Variants in RPS6KA1 observed in about 807,000 individuals in gnomAD.
The protein encoded by RPS6KA1 is ribosomal protein S6 kinase A1.
RPS6KA1 carries 48 observed loss-of-function variants against 91.3 expected under a neutral mutation model. That is an observed-to-expected ratio of 0.53 (90% CI 0.42 to 0.67). The LOEUF (loss-of-function observed/expected upper bound fraction) is 0.67, where lower values mean the gene tolerates loss of function less well. Ranked by LOEUF, RPS6KA1 falls within the 30% of genes least tolerant of loss-of-function variation. The pLI is 0.00. For missense variants in RPS6KA1, 719 were observed against 960.5 expected (o/e 0.75, Z 3.32); for synonymous variants, 359 against 384.7 (o/e 0.93, Z 0.78).
chr1:26,545,813 C>T, intron 2 of RPS6KA1: 1 of 1,432,468 alleles, frequency 7.0e-7, no homozygotes, highest in Non-Finnish European at 9.1e-7. Flanking sequence ...CCGCCCTTAC[C>T]CTGCACATCC....
In RPS6KA1 at chr1:26,566,190, G is replaced by A. The variant is rs568747029; in HGVS notation, c.1590+4527G>A. On this transcript the variant is annotated intron_variant, in intron 17 of 21. Coordinates refer to ENST00000374168, the MANE Select transcript of RPS6KA1 (RefSeq NM_002953.4). ...TAATTTACACTCCCAACAGAAGTGTGTGAGAGTTCTGGTACTTGCCAATGT... is the reference window on the plus strand; with the variant it reads ...TAATTTACACTCCCAACAGAAGTGTATGAGAGTTCTGGTACTTGCCAATGT... 1.3e-4 allele frequency among the ~76,000 whole-genome samples: 20 copies of A among 151,732 alleles called. No individual in the cohort carries two copies. In the South Asian group the frequency reaches 3.5e-3, roughly 27 times the overall value.
rs146592147 is a variant in RPS6KA1, at chr1:26,539,018, C to T, written c.108+2049C>T. Among the ~76,000 whole-genome samples, 426 of 152,322 alleles carry T rather than the reference C, an allele frequency of 2.8e-3. 1 individual carries two copies. The highest frequency in any genetic ancestry group is 0.01 in the African/African-American group (417 of 41,568). ...CCTAAAATGAAGTCAATATCCCCCA[C>T]CTTCGAGAAGCTTCCAATCTTTGGG... On this transcript the variant is annotated intron_variant, in intron 2 of 21. Coordinates refer to ENST00000374168, the MANE Select transcript of RPS6KA1 (RefSeq NM_002953.4).
chr1:26,544,691 G>A (rs899969370), intron 2 of RPS6KA1, among the ~76,000 whole-genome samples: 1 of 151,854 alleles, frequency 6.6e-6, no homozygotes, highest in Non-Finnish European at 1.5e-5. Flanking sequence ...AGCCAGGATG[G>A]TCTCGATCTC....
chr1:26,545,847 G>C, intron 2 of RPS6KA1: 1 of 1,501,052 alleles, frequency 6.7e-7, no homozygotes, highest in East Asian at 2.6e-5. Context: ...CCACCACTGC[G>C]GCAGCCCCGG....
At chr1:26,548,851 T>G (rs1461594390) in intron 4 of RPS6KA1, among the ~76,000 whole-genome samples, 1 of 150,030 alleles carries the variant, frequency 6.7e-6, no homozygotes, top group Non-Finnish European at 1.5e-5. Flanking sequence ...AATAGTTAAC[T>G]CCGGTGTGGT....
chr1:26,531,932 G>A (rs1001324321), intron 1 of RPS6KA1, among the ~76,000 whole-genome samples: 1 of 152,156 alleles, frequency 6.6e-6, no homozygotes. Context: ...TGTTCTCACT[G>A]GAGAACAGGG....
At position 26,546,912 on chromosome 1, in the gene RPS6KA1, G is replaced by T. The variant is rs1023681612; in HGVS notation, c.154G>T (p.Ala52Ser). 6 of 1,614,022 alleles carry T rather than the reference G, an allele frequency of 3.7e-6. No individual in the cohort carries two copies. The African/African-American group carries it at 6.7e-5, about 18-fold the overall frequency. Residue 52 changes from alanine to serine, a missense_variant, in exon 3 of 22, where the codon GCT (alanine) becomes TCT (serine). Physicochemically the swap from Ala to Ser is moderately conservative, Grantham distance 99. Around this residue, in one of 5 missense-constraint regions of RPS6KA1, gnomAD observed 159 missense variants for 264.5 expected, o/e 0.60. Transcript: ENST00000374168. ...KEISITHHVK[A>S]GSEKADPSHF... ...GATCTCCATCACGCACCACGTCAAG[G>T]CTGGCTCTGAGAAGGCTGATCCATC...
Position 26,551,818 on chromosome 1 carries a change from G to T in RPS6KA1, c.468+95G>T. On this transcript the variant is annotated intron_variant, in intron 6 of 21. Transcript: ENST00000374168. The surrounding 1 kb of genome is among the most constrained non-coding windows in gnomAD (Gnocchi z 4.5). ...GCCCTGTACAGAATGTGTTTGGTAT[G>T]GCTTGAACCTGGAACCACCCAGGCC... 8.6e-7 allele frequency: 1 copy of T among 1,162,938 alleles called. No homozygotes were observed. Among genetic ancestry groups the T allele is most frequent in the East Asian group, 2.4e-5 (1 of 41,420 alleles). The allele number at this position is 1,162,938 out of a possible 1,614,324, so 72.0% of individuals were successfully genotyped here. A position where few individuals can be genotyped will look rare whatever the true frequency, so the allele number is the denominator to read the frequency against.
rs1249853050 is a variant in RPS6KA1, at chr1:26,548,260, G to A, written c.307+990G>A. 1.6e-4 allele frequency among the ~76,000 whole-genome samples: 25 copies of A among 152,108 alleles called. No homozygotes were observed. In the East Asian group the frequency reaches 4.3e-3, roughly 26 times the overall value. On this transcript the variant is annotated intron_variant, in intron 4 of 21. Coordinates refer to ENST00000374168, the MANE Select transcript of RPS6KA1 (RefSeq NM_002953.4). ...AGGGCTCACAGGCTGGGCAGGAGAGGCTAAGCATACCCGACAGTGTGGTGC... is the reference window on the plus strand; with the variant it reads ...AGGGCTCACAGGCTGGGCAGGAGAGACTAAGCATACCCGACAGTGTGGTGC...
intron 2 of RPS6KA1, chr1:26,546,177 G>T: frequency 1.1e-6 from 1 of 937,192 alleles, no homozygotes; most frequent in Non-Finnish European, 1.6e-6. Context: ...GCCCAGACTT[G>T]CTTCCTGGGG....
At position 26,554,471 on chromosome 1, in the gene RPS6KA1, G is replaced by A; in HGVS notation, c.614-125G>A. The A allele has an allele frequency of 3.0e-6, 4 of 1,335,818 alleles. No individual in the cohort carries two copies. The South Asian group carries it at 4.2e-5, about 14-fold the overall frequency. The allele number at this position is 1,335,818 out of a possible 1,614,324, so 82.7% of individuals were successfully genotyped here. On this transcript the variant is annotated intron_variant, in intron 8 of 21. Coordinates refer to ENST00000374168, the MANE Select transcript of RPS6KA1 (RefSeq NM_002953.4). This position sits in a 1 kb window ranked among gnomAD's most constrained non-coding sequence, Gnocchi z 4.6. ...AGTCACCTGACCTCTCTGGGCCTTA[G>A]CTTCCTCCTGAGTGTCATGGGGGTG...
chr1:26,543,750 A>G (rs1044148269), intron 2 of RPS6KA1, among the ~76,000 whole-genome samples: 2 of 152,212 alleles, frequency 1.3e-5, no homozygotes, highest in African/African-American at 4.8e-5. Flanking sequence ...CAGGCCAGGC[A>G]GTAAGCAGGG....
chr1:26,572,286 C>T lies in RPS6KA1; in HGVS notation c.1940C>T (p.Thr647Ile). The T allele has an allele frequency of 1.2e-6, 2 of 1,611,136 alleles. No individual in the cohort carries two copies. The highest frequency in any genetic ancestry group is 1.3e-5 in the African/African-American group (1 of 74,940). ...GGAAATTGGAACACAGTTTCAGAGACAGCCAAGGTGAGTCTGTACGGCCTG... is the reference window on the plus strand; with the variant it reads ...GGAAATTGGAACACAGTTTCAGAGATAGCCAAGGTGAGTCTGTACGGCCTG... ...SGGNWNTVSE[T>I]AKDLVSKMLH... is the part of the protein sequence containing the mutation. Residue 647 changes from threonine (T) to isoleucine (I), a missense_variant, in exon 20 of 22, where the codon ACA (threonine) becomes ATA (isoleucine). Around this residue, in one of 5 missense-constraint regions of RPS6KA1, gnomAD observed 249 missense variants for 323.1 expected, o/e 0.77. Transcript: ENST00000374168.
intron 2 of RPS6KA1, chr1:26,545,967 C>G: frequency 2.5e-6 from 4 of 1,606,276 alleles, no homozygotes; most frequent in Non-Finnish European, 3.4e-6. Flanking sequence ...TCCCAGGAAG[C>G]AGCGGCCCAG....
Position 26,554,146 on chromosome 1 carries a change from C to A in RPS6KA1, c.576-68C>A. On this transcript the variant is annotated intron_variant, in intron 7 of 21. Transcript: ENST00000374168. This position sits in a 1 kb window ranked among gnomAD's most constrained non-coding sequence, Gnocchi z 4.6. ...TCTGGGCTGAACCCAACTCCCACAG[C>A]CCTGTGGTAACACCATCACCCACAC... is the stretch of plus-strand genomic sequence containing the variant. 1.3e-6 allele frequency: 2 copies of A among 1,509,248 alleles called. No individual in the cohort carries two copies. The highest frequency in any genetic ancestry group is 1.2e-5 in the South Asian group (1 of 81,116). The allele number at this position is 1,509,248 out of a possible 1,614,324, so 93.5% of individuals were successfully genotyped here.
intron 1 of RPS6KA1, among the ~76,000 whole-genome samples, chr1:26,534,231 T>G (rs1268805686): frequency 2.0e-5 from 3 of 151,968 alleles, no homozygotes; most frequent in Admixed American, 6.6e-5. Flanking sequence ...AAAATAGGAG[T>G]AATAGAACCT....
chr1:26,530,029 G>T (rs1353751534), intron 1 of RPS6KA1, 46 bp downstream of exon 1: 76 of 1,271,094 alleles, frequency 6.0e-5, no homozygotes, highest in Non-Finnish European at 7.0e-5. Context: ...CGGCGAGCCC[G>T]GATCCTCACA....
At chr1:26,553,235 T>G (rs2076068911) in intron 6 of RPS6KA1, among the ~76,000 whole-genome samples, 156 bp from the exon 7 acceptor site, 1 of 152,186 alleles carries the variant, frequency 6.6e-6, no homozygotes, top group Admixed American at 6.5e-5. Flanking sequence ...CATTTCATAC[T>G]TCAAATCCTT....
Position 26,547,160 on chromosome 1 carries a change from C to A in RPS6KA1, c.226-29C>A, listed in dbSNP as rs755515395. On this transcript the variant is annotated intron_variant, in intron 3 of 21. Coordinates refer to ENST00000374168, the MANE Select transcript of RPS6KA1 (RefSeq NM_002953.4). The surrounding 1 kb of genome is among the most constrained non-coding windows in gnomAD (Gnocchi z 4.1). ...CCTGGACTCAGACCTCTCCCATCTT[C>A]TGCCCTGCTTCCTGCTCTGCCTTCT... is the stretch of plus-strand genomic sequence containing the variant. The A allele has an allele frequency of 2.9e-5, 46 of 1,612,110 alleles. No individual in the cohort carries two copies. The highest frequency in any genetic ancestry group is 3.9e-5 in the Non-Finnish European group (46 of 1,178,438).
Sources: allele counts gnomAD v4.1 joint callset (sites outside exome capture counted in the v4.1 genomes callset), GRCh38; gene constraint gnomAD v4.1.1; regional missense constraint gnomAD v4.1.1; non-coding constraint Gnocchi (gnomAD v3.1); transcripts MANE v1.5; gene names NCBI Gene and HGNC (gene_info 2026-07-23, HGNC 2026-07-21).